The following CEP63 variants were observed in gnomAD, a reference collection of about 807,000 sequenced individuals.
CEP63 encodes the protein centrosomal protein of 63 kDa.
A neutral mutation model predicts 89.1 loss-of-function variants in CEP63; 84 were observed. The observed-to-expected ratio is 0.94, with a 90% confidence interval of 0.79 to 1.13. The LOEUF (loss-of-function observed/expected upper bound fraction) is 1.13, where lower values mean the gene tolerates loss of function less well. Ranked by LOEUF, CEP63 falls within the 50% of genes most tolerant of loss-of-function variation. The pLI is 0.00. For synonymous variants in CEP63, 267 were observed against 272.5 expected, an observed-to-expected ratio of 0.98 and a Z score of 0.20; for missense variants, 838 against 813.3, an observed-to-expected ratio of 1.03 and a Z score of -0.37.
chr3:134,667,447 T>G, the CEP63 span, among the ~76,000 whole-genome samples: 1 of 152,176 alleles, frequency 6.6e-6, no homozygotes, highest in Non-Finnish European at 1.5e-5. Flanking sequence ...GAACAAAGCT[T>G]CTTTCTTTGG....
the CEP63 span, among the ~76,000 whole-genome samples, chr3:134,650,259 T>C: frequency 6.6e-6 from 1 of 152,212 alleles, no homozygotes; most frequent in Non-Finnish European, 1.5e-5. Flanking sequence ...GTTTCAAATC[T>C]TACCCTATCC....
At chr3:134,595,545 A>G in the CEP63 span, among the ~76,000 whole-genome samples, 1 of 152,112 alleles carries the variant, frequency 6.6e-6, no homozygotes, top group African/African-American at 2.4e-5. Flanking sequence ...TTGTCTATGG[A>G]TCACTAGCTA....
At chr3:134,770,946 A>G in the CEP63 span, among the ~76,000 whole-genome samples, 2 of 152,242 alleles carry the variant, frequency 1.3e-5, no homozygotes, top group Non-Finnish European at 2.9e-5. Context: ...TAAGATTTAT[A>G]CAACAAATAC....
At chr3:134,586,235 A>T (rs572890045) in intron 10 of CEP63, among the ~76,000 whole-genome samples, 10 of 152,158 alleles carry the variant, frequency 6.6e-5, no homozygotes, top group African/African-American at 7.2e-5. Context: ...TCTTGTCATT[A>T]TAATGTTAGC....
chr3:134,766,574 G>A, the CEP63 span, among the ~76,000 whole-genome samples: 1 of 152,214 alleles, frequency 6.6e-6, no homozygotes, highest in Non-Finnish European at 1.5e-5. Flanking sequence ...CCACCTGCCT[G>A]CCCACTTTCT....
the CEP63 span, among the ~76,000 whole-genome samples, chr3:134,762,471 A>C: frequency 7.9e-5 from 12 of 152,210 alleles, no homozygotes; most frequent in African/African-American, 2.9e-4. Flanking sequence ...CTGGTACTTC[A>C]GAACATGACC....
At chr3:134,604,477 G>A in the CEP63 span, 2 of 1,598,722 alleles carry the variant, frequency 1.3e-6, no homozygotes, top group Non-Finnish European at 1.7e-6. Context: ...CCCATTCACT[G>A]AGGAGAGAAA....
chr3:134,524,720 A>G (rs899194160), intron 3 of CEP63, among the ~76,000 whole-genome samples: 4 of 152,162 alleles, frequency 2.6e-5, no homozygotes, highest in Non-Finnish European at 4.4e-5. Flanking sequence ...CTTGCATCCT[A>G]GGGATGAAGC....
At chr3:134,670,003 C>T in the CEP63 span, among the ~76,000 whole-genome samples, 1 of 152,126 alleles carries the variant, frequency 6.6e-6, no homozygotes, top group Admixed American at 6.5e-5. Context: ...CTGAGAGCTC[C>T]CTTGCCCTTT....
chr3:134,718,066 C>T, the CEP63 span, among the ~76,000 whole-genome samples: 3 of 152,202 alleles, frequency 2.0e-5, no homozygotes, highest in Non-Finnish European at 2.9e-5. Context: ...AGGGCTGATC[C>T]CACCTCCCAG....
chr3:134,698,960 G>A, the CEP63 span, among the ~76,000 whole-genome samples: 1 of 152,140 alleles, frequency 6.6e-6, no homozygotes, highest in African/African-American at 2.4e-5. Context: ...ATGGTTCTTT[G>A]CTCCAATGAG....
chr3:134,533,011 G>A, intron 5 of CEP63, 111 bp downstream of exon 5: 1 of 1,085,306 alleles, frequency 9.2e-7, no homozygotes, highest in Non-Finnish European at 1.4e-6. Flanking sequence ...CTTAAGGACT[G>A]CCACTAAGCT....
the CEP63 span, among the ~76,000 whole-genome samples, chr3:134,683,237 G>T: frequency 6.6e-6 from 1 of 152,210 alleles, no homozygotes; most frequent in African/African-American, 2.4e-5. Flanking sequence ...ATTAAACTTT[G>T]TAAAGTTATA....
chr3:134,709,380 A>T, the CEP63 span, among the ~76,000 whole-genome samples: 1 of 151,970 alleles, frequency 6.6e-6, no homozygotes, highest in Non-Finnish European at 1.5e-5. Flanking sequence ...TGATAGTCCT[A>T]GAAAATAAAG....
chr3:134,708,985 A>T, the CEP63 span, among the ~76,000 whole-genome samples: 1 of 152,150 alleles, frequency 6.6e-6, no homozygotes, highest in Non-Finnish European at 1.5e-5. Context: ...CAGGAAAAAA[A>T]CCACTGTCTT....
chr3:134,710,958 G>A, the CEP63 span, among the ~76,000 whole-genome samples: 3 of 152,012 alleles, frequency 2.0e-5, no homozygotes, highest in African/African-American at 7.2e-5. Flanking sequence ...CTGATCTTGT[G>A]ATCTGCCCGC....
intron 3 of CEP63, among the ~76,000 whole-genome samples, chr3:134,526,531 A>G (rs928993088): frequency 5.3e-5 from 8 of 151,906 alleles, no homozygotes; most frequent in Non-Finnish European, 1.2e-4. Flanking sequence ...GCTTCCTTGG[A>G]CTGGGTTTCA....
At chr3:134,573,035 T>A (rs951251659) in intron 11 of CEP63, among the ~76,000 whole-genome samples, 1 of 152,222 alleles carries the variant, frequency 6.6e-6, no homozygotes, top group Admixed American at 6.5e-5. Context: ...TTTTCATATA[T>A]TTGTTGACTG....
At position 134,559,195 on chromosome 3, in the gene CEP63, C is replaced by G. The variant is rs777713164; in HGVS notation, c.1719C>G (p.His573Gln). The G allele has an allele frequency of 5.0e-6, 8 of 1,614,008 alleles. No homozygotes were observed. The highest frequency in any genetic ancestry group is 1.6e-4 in the Middle Eastern group (1 of 6,084). The change falls in exon 14 of 15, where the codon CAC becomes CAG. Residue 573 changes from histidine (H) to glutamine (Q), a missense_variant. Coordinates refer to ENST00000675561, the MANE Select transcript of CEP63 (RefSeq NM_001353108.3). ...GACATGATGGAATAAAGACTGAGCACTACAAAACAGATCTTCATTCTCCAA... is the reference window on the plus strand; with the variant it reads ...GACATGATGGAATAAAGACTGAGCAGTACAAAACAGATCTTCATTCTCCAA... ...QHRHDGIKTE[H>Q]YKTDLHSPRG...
Sources: allele counts gnomAD v4.1 joint callset (sites outside exome capture counted in the v4.1 genomes callset), GRCh38; gene constraint gnomAD v4.1.1; transcripts MANE v1.5; gene names NCBI Gene and HGNC (gene_info 2026-07-23, HGNC 2026-07-21).